The following STK10 variants were observed in gnomAD, a reference collection of about 807,000 sequenced individuals.
STK10 encodes serine/threonine kinase 10, also known as serine/threonine-protein kinase 10.
In STK10, 78 loss-of-function variants were observed where a neutral mutation model predicts 113.8. That is an observed-to-expected ratio of 0.69 (90% CI 0.57 to 0.83). The LOEUF is 0.83. STK10 is among the 40% of genes least tolerant of loss of function. The probability of loss-of-function intolerance (pLI) is 0.00; values close to 1 mark genes in which losing one functional copy is unlikely to be tolerated. For synonymous variants in STK10, 465 were observed against 494.7 expected, an observed-to-expected ratio of 0.94 and a Z score of 0.80; for missense variants, 1,109 against 1,280.1, an observed-to-expected ratio of 0.87 and a Z score of 2.04.
In STK10 at chr5:172,156,499, C is replaced by A. The variant is rs1466660839; in HGVS notation, c.321+125G>T. Reference sequence around the variant, plus strand: ...GGCCAGGAGCTCCCTACTTCACCATCTCCTTGCCCTAGCCCTCGTCCTCAA... The same window carrying A: ...GGCCAGGAGCTCCCTACTTCACCATATCCTTGCCCTAGCCCTCGTCCTCAA... On this transcript the variant is annotated intron_variant, in intron 2 of 18. Coordinates refer to ENST00000176763, the MANE Select transcript of STK10 (RefSeq NM_005990.4). 2.4e-6 allele frequency: 3 copies of A among 1,274,082 alleles called. No individual in the cohort carries two copies. The African/African-American group carries it at 4.5e-5, about 19-fold the overall frequency. The allele number at this position is 1,274,082 out of a possible 1,614,324, so 78.9% of individuals were successfully genotyped here.
At chr5:172,179,753 G>T (rs1581193210) in intron 1 of STK10, among the ~76,000 whole-genome samples, 1 of 152,182 alleles carries the variant, frequency 6.6e-6, no homozygotes, top group East Asian at 1.9e-4. Flanking sequence ...TACTGCCTGG[G>T]GCCAGATCTC....
intron 2 of STK10, among the ~76,000 whole-genome samples, chr5:172,134,822 G>A (rs1328655037): frequency 2.6e-5 from 4 of 151,780 alleles, no homozygotes; most frequent in Non-Finnish European, 5.9e-5. Context: ...TACTTGGGGG[G>A]CTGAGGTGGA....
intron 2 of STK10, among the ~76,000 whole-genome samples, chr5:172,129,992 T>C (rs1769714434): frequency 6.6e-6 from 1 of 152,092 alleles, no homozygotes; most frequent in South Asian, 2.1e-4. Context: ...TTTGTTTGGG[T>C]TTTTTGAGGC....
chr5:172,087,118 G>C (rs997558010), intron 10 of STK10, among the ~76,000 whole-genome samples: 1 of 139,068 alleles, frequency 7.2e-6, no homozygotes, highest in African/African-American at 3.2e-5. Context: ...GTGTGTGTGT[G>C]TGTGTGTGTG....
At position 172,096,476 on chromosome 5, in the gene STK10, C is replaced by T. The variant is rs1228601344; in HGVS notation, c.955G>A (p.Glu319Lys). The part of the protein sequence containing the change: ...EAKAEVMEEI[E>K]DGRDEGEEED... The stretch of plus-strand genomic sequence containing the variant: ...TCTTCCCCCTCATCCCGGCCGTCTT[C>T]GATCTCTTCCATCACCTCGGCCTTG... The change falls in exon 8 of 19, where the codon GAA becomes AAA. Residue 319 changes from glutamate (E) to lysine (K), a missense_variant. Transcript: ENST00000176763. The T allele has an allele frequency of 1.9e-6, 3 of 1,613,680 alleles. No individual in the cohort carries two copies. The highest frequency in any genetic ancestry group is 2.2e-5 in the East Asian group (1 of 44,890).
At chr5:172,062,101 C>T (rs1258778627) in intron 13 of STK10, among the ~76,000 whole-genome samples, 2 of 151,850 alleles carry the variant, frequency 1.3e-5, no homozygotes, top group African/African-American at 2.4e-5. Flanking sequence ...TCTCAGCTTC[C>T]TGAGTAGCTG....
chr5:172,182,804 A>G (rs1386086649), intron 1 of STK10, among the ~76,000 whole-genome samples: 1 of 151,926 alleles, frequency 6.6e-6, no homozygotes, highest in African/African-American at 2.4e-5. Flanking sequence ...CACCCAATTC[A>G]GCCTCTCAAA....
intron 18 of STK10, among the ~76,000 whole-genome samples, chr5:172,048,430 C>CACACACAA (rs1767544859): frequency 6.6e-6 from 1 of 151,452 alleles, no homozygotes; most frequent in African/African-American, 2.4e-5. Flanking sequence ...CACACACACA[C>CACACACAA]ACACACACAC....
At chr5:172,065,747 C>T (rs1768053225) in intron 12 of STK10, among the ~76,000 whole-genome samples, 1 of 152,150 alleles carries the variant, frequency 6.6e-6, no homozygotes, top group South Asian at 2.1e-4. Context: ...AAGCTACCTG[C>T]TGTCCTCTGG....
intron 1 of STK10, among the ~76,000 whole-genome samples, chr5:172,175,896 G>A (rs1247886527): frequency 6.6e-6 from 1 of 152,212 alleles, no homozygotes; most frequent in African/African-American, 2.4e-5. Flanking sequence ...CAGGTGTGGA[G>A]TGAGGATATC....
intron 12 of STK10, among the ~76,000 whole-genome samples, chr5:172,078,177 G>A (rs1561797791): frequency 6.6e-6 from 1 of 152,240 alleles, no homozygotes; most frequent in Non-Finnish European, 1.5e-5. Context: ...GTGTGGAGTA[G>A]GCAATGGCAA....
chr5:172,099,466 G>A (rs1443498993), intron 7 of STK10, among the ~76,000 whole-genome samples: 2 of 152,166 alleles, frequency 1.3e-5, no homozygotes, highest in South Asian at 2.1e-4. Context: ...ACTTGAACCC[G>A]GGAGGCAGAG....
chr5:172,084,068 A>G (rs75501452), intron 10 of STK10, among the ~76,000 whole-genome samples: 6,297 of 152,188 alleles, frequency 0.041, 445 homozygotes, highest in African/African-American at 0.14. Flanking sequence ...AAAAAAATCA[A>G]GTTTTAGAAA....
intron 7 of STK10, among the ~76,000 whole-genome samples, chr5:172,101,470 C>CA (rs796588690): frequency 0.092 from 6,663 of 72,208 alleles, 511 homozygotes; most frequent in African/African-American, 0.22. Flanking sequence ...ACTCCGTCTC[C>CA]AAAAAAAAAA....
At chr5:172,173,848 G>C (rs1265675592) in intron 1 of STK10, among the ~76,000 whole-genome samples, 1 of 152,198 alleles carries the variant, frequency 6.6e-6, no homozygotes, top group East Asian at 1.9e-4. Flanking sequence ...TTGTGTGTGA[G>C]GCAGGACAGT....
chr5:172,126,663 A>G (rs1165670224), intron 3 of STK10, among the ~76,000 whole-genome samples: 2 of 152,228 alleles, frequency 1.3e-5, no homozygotes, highest in Non-Finnish European at 2.9e-5. Flanking sequence ...GCATATAGTG[A>G]CTATTCACAA....
At chr5:172,054,513 G>A (rs980449485) in intron 17 of STK10, 56 bp downstream of exon 17, 2 of 1,587,630 alleles carry the variant, frequency 1.3e-6, no homozygotes, top group African/African-American at 2.7e-5. Context: ...AGATCTGATG[G>A]CCTTGGGGAA....
chr5:172,057,956 T>C (rs191003643), intron 14 of STK10, among the ~76,000 whole-genome samples: 97 of 152,286 alleles, frequency 6.4e-4, no homozygotes, highest in Non-Finnish European at 1.1e-3. Context: ...GAAGACAGAA[T>C]GGCCTCTTGT....
At chr5:172,098,651 C>T (rs778976546) in intron 7 of STK10, among the ~76,000 whole-genome samples, 9 of 152,040 alleles carry the variant, frequency 5.9e-5, no homozygotes, top group Non-Finnish European at 8.8e-5. Context: ...TTGAGTGGGG[C>T]GTTAAGGGTT....
Sources: allele counts gnomAD v4.1 joint callset (sites outside exome capture counted in the v4.1 genomes callset), GRCh38; gene constraint gnomAD v4.1.1; transcripts MANE v1.5; gene names NCBI Gene and HGNC (gene_info 2026-07-23, HGNC 2026-07-21).